The following ABI3BP variants were observed in gnomAD, a reference collection of about 807,000 sequenced individuals.
The protein encoded by ABI3BP is target of Nesh-SH3.
A neutral mutation model predicts 268.6 loss-of-function variants in ABI3BP; 216 were observed. The observed-to-expected ratio is 0.80, with a 90% CI of 0.72 to 0.90. The LOEUF (loss-of-function observed/expected upper bound fraction) is 0.90. Among genes scored for constraint, ABI3BP ranks in the 40% least tolerant of loss-of-function variants. The probability of loss-of-function intolerance (pLI) is 0.00; values close to 1 mark genes in which losing one functional copy is unlikely to be tolerated. For missense variants in ABI3BP, 2,090 were observed against 2,182.4 expected (o/e 0.96, Z 0.84); for synonymous variants, 730 against 730.0 (o/e 1.00, Z 0.00).
intron 28 of ABI3BP, 137 bp from the exon 29 acceptor site, chr3:100,834,910 A>G (rs2098551873): frequency 1.4e-6 from 1 of 726,338 alleles, no homozygotes. Context: ...TCTTCTGATC[A>G]TCTATATGCA....
At chr3:100,776,746 A>T (rs1313368916) in intron 59 of ABI3BP, among the ~76,000 whole-genome samples, 2 of 152,168 alleles carry the variant, frequency 1.3e-5, no homozygotes, top group Non-Finnish European at 2.9e-5. Flanking sequence ...TCATCTCAGA[A>T]GTGGAATGTA....
intron 1 of ABI3BP, among the ~76,000 whole-genome samples, chr3:100,937,568 C>T (rs938637514): frequency 6.6e-6 from 1 of 152,024 alleles, no homozygotes; most frequent in African/African-American, 2.4e-5. Flanking sequence ...TATGACTTTC[C>T]TCATCTCCAT....
At chr3:100,786,160 C>G (rs571588218) in intron 57 of ABI3BP, among the ~76,000 whole-genome samples, 37 of 152,220 alleles carry the variant, frequency 2.4e-4, no homozygotes, top group Non-Finnish European at 4.3e-4. Flanking sequence ...GGATCCCAAT[C>G]AACAAATAAA....
At chr3:100,906,807 C>T (rs1316365493) in intron 2 of ABI3BP, among the ~76,000 whole-genome samples, 1 of 152,128 alleles carries the variant, frequency 6.6e-6, no homozygotes, top group Admixed American at 6.6e-5. Context: ...CTTATAATTG[C>T]AGTTTGATAA....
At chr3:100,949,721 T>C (rs1345631336) in intron 1 of ABI3BP, among the ~76,000 whole-genome samples, 1 of 152,176 alleles carries the variant, frequency 6.6e-6, no homozygotes, top group Non-Finnish European at 1.5e-5. Flanking sequence ...GTTTGTGAGA[T>C]CATTGCTAAA....
At chr3:100,976,266 C>T (rs889781915) in intron 1 of ABI3BP, among the ~76,000 whole-genome samples, 2 of 152,116 alleles carry the variant, frequency 1.3e-5, no homozygotes, top group African/African-American at 4.8e-5. Context: ...AAAATTTTCT[C>T]ACCCTTCACA....
chr3:100,942,459 T>C (rs1205337924), intron 1 of ABI3BP, among the ~76,000 whole-genome samples: 2 of 152,280 alleles, frequency 1.3e-5, no homozygotes, highest in Admixed American at 6.5e-5. Flanking sequence ...TGTACCACTT[T>C]GGAAAAATGG....
intron 61 of ABI3BP, among the ~76,000 whole-genome samples, chr3:100,772,733 T>C (rs1167835050): frequency 6.6e-6 from 1 of 152,006 alleles, no homozygotes; most frequent in East Asian, 1.9e-4. Flanking sequence ...AGATGAAGAT[T>C]TAAATGTACC....
chr3:100,775,058 T>C, intron 60 of ABI3BP, 149 bp downstream of exon 60: 1 of 931,058 alleles, frequency 1.1e-6, no homozygotes, highest in East Asian at 2.7e-5. Flanking sequence ...TGAAAATAAG[T>C]ATTATTTTAA....
Position 100,866,901 on chromosome 3 carries a change from T to C in ABI3BP, c.966A>G (p.Lys322=). The C allele has an allele frequency of 6.2e-7, 1 of 1,613,906 alleles. No homozygotes were observed. Among genetic ancestry groups the C allele is most frequent in the Non-Finnish European group, 8.5e-7 (1 of 1,179,838 alleles). Residue 322 remains lysine (K), a synonymous_variant, in exon 10 of 68, where the codon AAA becomes AAG. Coordinates refer to ENST00000471714, the MANE Select transcript of ABI3BP (RefSeq NM_001375547.2). ...PAESKTPEVE[K]ISARPTTVTP... is the part of the protein sequence containing the mutation. ...TACCTGTTGTGGGTCGTGCTGAGAT[T>C]TTTTCAACCTCTGGTGTTTTAGATT...
chr3:100,962,755 C>T (rs966807830), intron 1 of ABI3BP, among the ~76,000 whole-genome samples: 16 of 152,306 alleles, frequency 1.1e-4, no homozygotes, highest in African/African-American at 3.8e-4. Context: ...AACTCATCTA[C>T]CTGGTCATTA....
chr3:100,945,309 T>C (rs551908351), intron 1 of ABI3BP, among the ~76,000 whole-genome samples: 18 of 152,286 alleles, frequency 1.2e-4, no homozygotes, highest in African/African-American at 4.3e-4. Context: ...CACATATAAT[T>C]TTTAACAGCT....
At chr3:100,880,015 T>A (rs2099210110) in intron 6 of ABI3BP, among the ~76,000 whole-genome samples, 1 of 152,220 alleles carries the variant, frequency 6.6e-6, no homozygotes, top group Non-Finnish European at 1.5e-5. Context: ...CTGTGATAAT[T>A]TCCAAGATAC....
chr3:100,830,578 C>A lies in ABI3BP; in HGVS notation c.2458G>T (p.Ala820Ser), dbSNP rs2098474194. 6.5e-7 allele frequency: 1 copy of A among 1,533,512 alleles called. No individual in the cohort carries two copies. Among genetic ancestry groups the A allele is most frequent in the Non-Finnish European group, 8.7e-7 (1 of 1,145,342 alleles). The allele number at this position is 1,533,512 out of a possible 1,614,324, so 95.0% of individuals were successfully genotyped here. A position where few individuals can be genotyped will look rare whatever the true frequency, so the allele number is the denominator to read the frequency against. ...LRTEASGTTAAPKVPQRTHRP... is the reference protein window; with the variant it reads ...LRTEASGTTASPKVPQRTHRP... ...GTTGATGGACATAATGTGCCATTAC[C>A]TGCTGTTGTCCCTGAAGCCTCAGTT... The change falls in exon 32 of 68, where the codon GCT (alanine) becomes TCT (serine). Residue 820 changes from alanine to serine, a missense_variant and splice_region_variant. Physicochemically the swap from Ala to Ser is moderately conservative, Grantham distance 99. Coordinates refer to ENST00000471714, the MANE Select transcript of ABI3BP (RefSeq NM_001375547.2).
In ABI3BP at chr3:100,828,408, G is replaced by A; in HGVS notation, c.2587C>T (p.Pro863Ser). The change falls in exon 34 of 68, where the codon CCA (proline) becomes TCA (serine). Residue 863 changes from proline (P) to serine (S), a missense_variant. Physicochemically the swap from Pro to Ser is moderately conservative, Grantham distance 74. Coordinates refer to ENST00000471714, the MANE Select transcript of ABI3BP (RefSeq NM_001375547.2). ...FEPVSPIKEA[P>S]GTTFVPVTDL... ...GTGGCATTACCGAATGTTGTCCCTG[G>A]AGCCTCTTTTATAGGAGAAACTGGT... The A allele has an allele frequency of 1.3e-6, 2 of 1,535,310 alleles. No homozygotes were observed. Among genetic ancestry groups the A allele is most frequent in the South Asian group, 1.2e-5 (1 of 83,950 alleles).
intron 63 of ABI3BP, among the ~76,000 whole-genome samples, chr3:100,759,591 T>G (rs1196359162): frequency 6.6e-6 from 1 of 152,226 alleles, no homozygotes; most frequent in Non-Finnish European, 1.5e-5. Flanking sequence ...GGCTGTACTC[T>G]AATTCTGTGG....
At chr3:100,825,932 C>A in intron 34 of ABI3BP, 88 bp from the exon 35 acceptor site, 1 of 950,074 alleles carries the variant, frequency 1.1e-6, no homozygotes, top group Non-Finnish European at 1.6e-6. Flanking sequence ...TTGTGTAACA[C>A]TGCCTCTAGG....
chr3:100,752,594 C>A, intron 66 of ABI3BP, 193 bp downstream of exon 66: 1 of 519,554 alleles, frequency 1.9e-6, no homozygotes, highest in South Asian at 3.6e-5. Context: ...TTATTATTTA[C>A]CTTCTAATAG....
chr3:100,904,788 T>C, intron 2 of ABI3BP, among the ~76,000 whole-genome samples: 1 of 152,112 alleles, frequency 6.6e-6, no homozygotes, highest in Non-Finnish European at 1.5e-5. Flanking sequence ...TGTGGAGAAA[T>C]AGGAACACTT....
Sources: allele counts gnomAD v4.1 joint callset (sites outside exome capture counted in the v4.1 genomes callset), GRCh38; gene constraint gnomAD v4.1.1; transcripts MANE v1.5; gene names NCBI Gene and HGNC (gene_info 2026-07-23, HGNC 2026-07-21).